MYRIP: variants seen among roughly 807,000 people sequenced by gnomAD.
MYRIP encodes the protein myosin VIIA and Rab interacting protein.
A neutral mutation model predicts 98.0 loss-of-function variants in MYRIP; 49 were observed. The ratio of observed to expected loss-of-function variants is 0.50; its 90% CI spans 0.40 to 0.63. MYRIP has a LOEUF of 0.63. Ranked by LOEUF, MYRIP falls within the 30% of genes least tolerant of loss-of-function variation. The probability of loss-of-function intolerance (pLI) is 0.00; values close to 1 mark genes in which losing one functional copy is unlikely to be tolerated. For synonymous variants in MYRIP, 404 were observed against 409.5 expected (o/e 0.99, Z 0.16); for missense variants, 1,004 against 1,058.2 (o/e 0.95, Z 0.71).
At chr3:39,984,556 G>A (rs902482190) in intron 2 of MYRIP, among the ~76,000 whole-genome samples, 11 of 152,194 alleles carry the variant, frequency 7.2e-5, no homozygotes, top group Admixed American at 5.9e-4. Context: ...GGACATAAAC[G>A]CATCATTTTT....
intron 2 of MYRIP, among the ~76,000 whole-genome samples, chr3:39,968,219 C>T (rs1437557222): frequency 8.5e-6 from 1 of 117,746 alleles, no homozygotes; most frequent in African/African-American, 3.8e-5. Flanking sequence ...TCACATTTAA[C>T]TTGTTTTTTT....
At chr3:40,016,903 G>T (rs2125802037) in intron 2 of MYRIP, among the ~76,000 whole-genome samples, 1 of 152,274 alleles carries the variant, frequency 6.6e-6, no homozygotes, top group South Asian at 2.1e-4. Context: ...GGCAGGGCCA[G>T]GTGTTACCTT....
At chr3:40,007,974 C>A (rs1045099511) in intron 2 of MYRIP, among the ~76,000 whole-genome samples, 1 of 152,218 alleles carries the variant, frequency 6.6e-6, no homozygotes, top group Non-Finnish European at 1.5e-5. Context: ...GACCTTTCTA[C>A]CCACATATCT....
At chr3:40,061,256 C>G (rs575112049) in intron 3 of MYRIP, among the ~76,000 whole-genome samples, 1 of 152,126 alleles carries the variant, frequency 6.6e-6, no homozygotes. Flanking sequence ...TCCAGTAGAC[C>G]CCAGTGTCTG....
At chr3:40,035,257 A>G (rs1340705109) in intron 2 of MYRIP, among the ~76,000 whole-genome samples, 4 of 151,910 alleles carry the variant, frequency 2.6e-5, no homozygotes, top group African/African-American at 9.7e-5. Context: ...AAAGAAAAAG[A>G]AATCAAAACC....
chr3:39,932,941 T>C (rs974641365), intron 2 of MYRIP, among the ~76,000 whole-genome samples: 1 of 152,196 alleles, frequency 6.6e-6, no homozygotes, highest in African/African-American at 2.4e-5. Flanking sequence ...ATAATTTGCA[T>C]TGAGTATTGT....
At chr3:40,192,309 C>CATATATATATGACATATATATATAT (rs1322376887) in intron 10 of MYRIP, among the ~76,000 whole-genome samples, 5,149 of 57,770 alleles carry the variant, frequency 0.089, 951 homozygotes, top group Middle Eastern at 0.22. Flanking sequence ...TAGTTTTCTT[C>CATATATATATGACATATATATATAT]ATATATATAT....
At position 40,209,947 on chromosome 3, in the gene MYRIP, C is replaced by T; in HGVS notation, c.1759C>T (p.Leu587=). 4 of 1,614,024 alleles carry T rather than the reference C, an allele frequency of 2.5e-6. No homozygotes were observed. The highest frequency in any genetic ancestry group is 1.1e-5 in the South Asian group (1 of 91,082). ...CACAGAGGAGAAACGGAGAAACAGGCTGTACGAGTTAGCAATGAAAATGAG... is the reference window on the plus strand; with the variant it reads ...CACAGAGGAGAAACGGAGAAACAGGTTGTACGAGTTAGCAATGAAAATGAG... ...DTTEEKRRNR[L]YELAMKMSEK... Residue 587 remains leucine (L), a synonymous_variant, in exon 11 of 17, where the codon CTG becomes TTG. Coordinates refer to ENST00000302541, the MANE Select transcript of MYRIP (RefSeq NM_015460.4).
At chr3:40,017,345 A>T (rs1407900979) in intron 2 of MYRIP, among the ~76,000 whole-genome samples, 1 of 152,204 alleles carries the variant, frequency 6.6e-6, no homozygotes, top group East Asian at 1.9e-4. Context: ...CTGGATAGAG[A>T]TAGAAACTGG....
At chr3:40,004,504 T>C (rs368562682) in intron 2 of MYRIP, among the ~76,000 whole-genome samples, 26 of 152,310 alleles carry the variant, frequency 1.7e-4, no homozygotes, top group East Asian at 7.7e-4. Flanking sequence ...CCATAGGTTT[T>C]TAGGGAACAG....
intron 2 of MYRIP, among the ~76,000 whole-genome samples, chr3:39,957,538 A>G (rs1241347792): frequency 6.6e-6 from 1 of 152,198 alleles, no homozygotes; most frequent in African/African-American, 2.4e-5. Flanking sequence ...TCAAAATAAT[A>G]AGAGCTATTT....
At chr3:39,936,051 T>C (rs1180836486) in intron 2 of MYRIP, among the ~76,000 whole-genome samples, 1 of 152,162 alleles carries the variant, frequency 6.6e-6, no homozygotes, top group African/African-American at 2.4e-5. Flanking sequence ...GAGTCAAATA[T>C]TATGTTATTC....
At chr3:40,216,433 T>A (rs753216701) in intron 11 of MYRIP, among the ~76,000 whole-genome samples, 4 of 151,984 alleles carry the variant, frequency 2.6e-5, no homozygotes, top group Non-Finnish European at 5.9e-5. Flanking sequence ...CATCTCTGGG[T>A]AGAAAATATA....
intron 1 of MYRIP, among the ~76,000 whole-genome samples, chr3:39,873,251 T>C (rs1363474854): frequency 1.3e-5 from 2 of 152,332 alleles, no homozygotes; most frequent in East Asian, 1.9e-4. Context: ...CTTTGTCAGA[T>C]GAGTAGGTTG....
intron 2 of MYRIP, among the ~76,000 whole-genome samples, chr3:40,032,216 ATCTT>A: frequency 6.6e-6 from 1 of 152,150 alleles, no homozygotes; most frequent in Non-Finnish European, 1.5e-5. Context: ...TTCAAAGAGC[ATCTT>A]TATTTCTGTC....
At chr3:40,224,353 T>C (rs1429324211) in intron 11 of MYRIP, among the ~76,000 whole-genome samples, 1 of 151,712 alleles carries the variant, frequency 6.6e-6, no homozygotes, top group African/African-American at 2.4e-5. Context: ...CCACCAGTCA[T>C]TAGAAATGTT....
chr3:40,238,393 G>A (rs1952883299), intron 12 of MYRIP, among the ~76,000 whole-genome samples: 1 of 152,194 alleles, frequency 6.6e-6, no homozygotes, highest in Non-Finnish European at 1.5e-5. Flanking sequence ...GGGTGCAGCT[G>A]ATCTCATTAA....
intron 3 of MYRIP, among the ~76,000 whole-genome samples, chr3:40,143,207 T>G (rs1949943872): frequency 6.6e-6 from 1 of 152,146 alleles, no homozygotes; most frequent in Non-Finnish European, 1.5e-5. Context: ...AGTGAAAGAA[T>G]GAAAGAATGA....
At chr3:39,920,292 G>A (rs2125690103) in intron 2 of MYRIP, among the ~76,000 whole-genome samples, 1 of 151,948 alleles carries the variant, frequency 6.6e-6, no homozygotes, top group Non-Finnish European at 1.5e-5. Flanking sequence ...TGTTTTTTAT[G>A]GTTTGGCTTT....
Sources: gnomAD v4.1 joint callset for allele counts (sites outside exome capture counted in the v4.1 genomes callset) on GRCh38, gnomAD v4.1.1 for gene constraint, MANE v1.5 for transcripts, NCBI Gene and HGNC (gene_info 2026-07-23, HGNC 2026-07-21) for gene names.